The following TCF12 variants were observed in gnomAD, a reference collection of about 807,000 sequenced individuals.
TCF12 encodes the protein DNA-binding protein HTF4.
In TCF12, 45 loss-of-function variants were observed where a neutral mutation model predicts 86.0. The ratio of observed to expected loss-of-function variants is 0.52; its 90% CI spans 0.41 to 0.67. TCF12 has a LOEUF of 0.67. TCF12 is among the 30% of genes least tolerant of loss of function. TCF12 has a pLI of 0.00. For missense variants in TCF12, 881 were observed against 859.9 expected, an observed-to-expected ratio of 1.02 and a Z score of -0.31; for synonymous variants, 330 against 299.6, an observed-to-expected ratio of 1.10 and a Z score of -1.05.
chr15:57,250,757 G>A (rs567992012), intron 13 of TCF12, among the ~76,000 whole-genome samples: 3 of 151,534 alleles, frequency 2.0e-5, no homozygotes, highest in Admixed American at 1.3e-4. Context: ...ATTAGCCAAC[G>A]TGGTGGCACA....
intron 5 of TCF12, among the ~76,000 whole-genome samples, chr15:57,092,996 A>C (rs1399509867): frequency 2.0e-5 from 3 of 152,208 alleles, no homozygotes; most frequent in African/African-American, 7.2e-5. Flanking sequence ...AGAATCTGAT[A>C]GTCTAGTGTG....
intron 3 of TCF12, among the ~76,000 whole-genome samples, chr15:56,979,789 A>AT (rs2062797285): frequency 6.6e-6 from 1 of 152,210 alleles, no homozygotes; most frequent in Non-Finnish European, 1.5e-5. Context: ...TATTCCTGCT[A>AT]TCTAAATGTT....
chr15:57,061,078 G>A (rs757172639), intron 3 of TCF12, among the ~76,000 whole-genome samples: 6 of 152,152 alleles, frequency 3.9e-5, no homozygotes, highest in African/African-American at 7.2e-5. Context: ...TCCAGTATCA[G>A]TGGTATGTAC....
At chr15:56,952,172 A>C (rs1479970077) in intron 3 of TCF12, among the ~76,000 whole-genome samples, 1 of 104,642 alleles carries the variant, frequency 9.6e-6, no homozygotes, top group Non-Finnish European at 1.9e-5. Flanking sequence ...TTTATAAAAA[A>C]GGCTTTTTTG....
In TCF12 at chr15:57,288,998, A is replaced by G. The variant is rs1399450100; in HGVS notation, c.*2853A>G. The G allele has an allele frequency of 8.4e-6, 1 of 118,446 alleles. No homozygotes were observed. Among genetic ancestry groups the G allele is most frequent in the Non-Finnish European group, 1.5e-5 (1 of 64,722 alleles). The allele number at this position is 118,446 out of a possible 1,614,324, so 7.3% of individuals were successfully genotyped here. A position where few individuals can be genotyped will look rare whatever the true frequency, so the allele number is the denominator to read the frequency against. On this transcript the variant is annotated 3_prime_UTR_variant, in exon 21 of 21. Transcript: ENST00000333725. ...TTTGCTTTTATCCCAGTTTTTAACC[A>G]CAAAAAAAAGCGTAGGGATTATCCA...
At chr15:57,164,204 A>C (rs572485893) in intron 5 of TCF12, among the ~76,000 whole-genome samples, 1 of 151,988 alleles carries the variant, frequency 6.6e-6, no homozygotes, top group Non-Finnish European at 1.5e-5. Flanking sequence ...GTGAGACTTA[A>C]CCTCCATTCT....
intron 8 of TCF12, among the ~76,000 whole-genome samples, chr15:57,227,436 T>C (rs946360602): frequency 1.3e-5 from 2 of 152,130 alleles, no homozygotes; most frequent in Non-Finnish European, 2.9e-5. Flanking sequence ...GATCTGTCTT[T>C]GCCAGTTTGA....
chr15:56,984,285 TG>T (rs1215539508), intron 3 of TCF12, among the ~76,000 whole-genome samples: 4 of 150,542 alleles, frequency 2.7e-5, no homozygotes, highest in African/African-American at 9.8e-5. Context: ...TGTGTGTGTG[TG>T]TGTGTGTGAA....
intron 3 of TCF12, among the ~76,000 whole-genome samples, chr15:56,942,568 G>A (rs1294559863): frequency 6.6e-6 from 1 of 152,176 alleles, no homozygotes; most frequent in African/African-American, 2.4e-5. Context: ...TCAATGTAAA[G>A]ATAGTTCTTG....
At chr15:57,217,162 T>A (rs1174027066) in intron 8 of TCF12, among the ~76,000 whole-genome samples, 3 of 152,178 alleles carry the variant, frequency 2.0e-5, no homozygotes, top group Non-Finnish European at 4.4e-5. Flanking sequence ...AAGCTTTTAA[T>A]TAGTTACTCA....
Position 57,231,147 on chromosome 15 carries a change from T to C in TCF12, c.580-5T>C. ...TTTTAATTAAATGTGCTGTTTAATT[T>C]TAAGGTATATGCACCATCCCCAAAT... is the stretch of plus-strand genomic sequence containing the variant. On this transcript the variant is annotated splice_region_variant and splice_polypyrimidine_tract_variant and intron_variant, in intron 8 of 20. Coordinates refer to ENST00000333725, the MANE Select transcript of TCF12 (RefSeq NM_207037.2). The C allele has an allele frequency of 6.2e-7, 1 of 1,601,290 alleles. No homozygotes were observed.
intron 8 of TCF12, among the ~76,000 whole-genome samples, chr15:57,223,653 T>TTTTTTTTTTTTTTTTG (rs2058721016): frequency 4.4e-5 from 6 of 135,374 alleles, no homozygotes; most frequent in African/African-American, 1.7e-4. Flanking sequence ...GTTTTTTTTT[T>TTTTTTTTTTTTTTTTG]TTTTTTTTTT....
chr15:56,972,720 A>G (rs2062400513), intron 3 of TCF12, among the ~76,000 whole-genome samples: 1 of 152,200 alleles, frequency 6.6e-6, no homozygotes, highest in Admixed American at 6.5e-5. Context: ...CTTTGTATAT[A>G]GTTCTAACTT....
chr15:57,078,593 A>G (rs546690832), intron 4 of TCF12, among the ~76,000 whole-genome samples: 38 of 152,292 alleles, frequency 2.5e-4, no homozygotes, highest in African/African-American at 8.7e-4. Context: ...ACATATATAC[A>G]TATGCATTAT....
intron 6 of TCF12, among the ~76,000 whole-genome samples, chr15:57,185,937 G>C (rs1236500660): frequency 6.6e-6 from 1 of 151,994 alleles, no homozygotes; most frequent in Admixed American, 6.6e-5. Context: ...CCTTTAGCTA[G>C]ATTGACTGAG....
chr15:57,206,867 G>C (rs1486706400), intron 8 of TCF12, among the ~76,000 whole-genome samples: 2 of 149,088 alleles, frequency 1.3e-5, no homozygotes, highest in African/African-American at 2.5e-5. Context: ...AAGATGGGAG[G>C]AGTGTTTGAG....
chr15:56,963,210 A>G (rs1295091700), intron 3 of TCF12, among the ~76,000 whole-genome samples: 1 of 152,056 alleles, frequency 6.6e-6, no homozygotes, highest in Non-Finnish European at 1.5e-5. Flanking sequence ...AATTGAGCAT[A>G]CAGAAAATTT....
At chr15:57,017,726 C>CTT (rs34230192) in intron 3 of TCF12, among the ~76,000 whole-genome samples, 53,981 of 130,314 alleles carry the variant, frequency 0.41, 12,929 homozygotes, top group Non-Finnish European at 0.54. Context: ...AATTTTCTTT[C>CTT]TTTTTTTTTT....
At chr15:57,067,982 C>T (rs2069047456) in intron 4 of TCF12, among the ~76,000 whole-genome samples, 1 of 152,066 alleles carries the variant, frequency 6.6e-6, no homozygotes, top group Non-Finnish European at 1.5e-5. Flanking sequence ...GCATAAAGGC[C>T]AGAGAATATT....
Sources: gnomAD v4.1 joint callset for allele counts (sites outside exome capture counted in the v4.1 genomes callset) on GRCh38, gnomAD v4.1.1 for gene constraint, MANE v1.5 for transcripts, NCBI Gene and HGNC (gene_info 2026-07-23, HGNC 2026-07-21) for gene names.